DPP10: variants seen among roughly 807,000 people sequenced by gnomAD.
The protein encoded by DPP10 is inactive dipeptidyl peptidase 10.
A neutral mutation model predicts 120.9 loss-of-function variants in DPP10; 33 were observed. The observed-to-expected ratio is 0.27, with a 90% confidence interval of 0.21 to 0.37. The LOEUF is 0.37. Among genes scored for constraint, DPP10 ranks in the 10% least tolerant of loss-of-function variants. DPP10 has a pLI of 1.00. For synonymous variants in DPP10, 337 were observed against 326.1 expected (o/e 1.03, Z -0.36); for missense variants, 816 against 942.8 (o/e 0.87, Z 1.76).
chr2:115,386,534 T>C (rs2066945389), intron 3 of DPP10, among the ~76,000 whole-genome samples: 1 of 151,880 alleles, frequency 6.6e-6, no homozygotes, highest in South Asian at 2.1e-4. Flanking sequence ...CAGCATGTTG[T>C]GGGAAGGCAA....
intron 7 of DPP10, among the ~76,000 whole-genome samples, chr2:115,706,001 A>C (rs1415168155): frequency 6.6e-6 from 1 of 151,842 alleles, no homozygotes; most frequent in Non-Finnish European, 1.5e-5. Context: ...GGGGAAAAAA[A>C]CAGGAAACAA....
intron 8 of DPP10, among the ~76,000 whole-genome samples, chr2:115,728,293 A>T (rs868242194): frequency 0.017 from 2,577 of 149,408 alleles, 68 homozygotes; most frequent in African/African-American, 0.054. Flanking sequence ...ATTTCTAAAA[A>T]AAAAAAAAAA....
intron 1 of DPP10, among the ~76,000 whole-genome samples, chr2:115,051,994 A>G (rs1398152074): frequency 1.3e-5 from 2 of 152,232 alleles, no homozygotes; most frequent in Non-Finnish European, 2.9e-5. Context: ...AAATAAAATT[A>G]AATAAAGAAT....
At chr2:115,789,073 A>G (rs6727466) in intron 17 of DPP10, among the ~76,000 whole-genome samples, 147,069 of 152,036 alleles carry the variant, frequency 0.97, 71,345 homozygotes, top group East Asian at 1. Flanking sequence ...AGCCGAGATC[A>G]CACCACTGCA....
intron 1 of DPP10, among the ~76,000 whole-genome samples, chr2:114,887,006 T>C (rs1388138314): frequency 6.6e-6 from 1 of 152,226 alleles, no homozygotes; most frequent in Non-Finnish European, 1.5e-5. Context: ...ATATTTTGCT[T>C]TAATTGCCAT....
chr2:114,916,209 T>A (rs1694792732), intron 1 of DPP10, among the ~76,000 whole-genome samples: 1 of 152,074 alleles, frequency 6.6e-6, no homozygotes, highest in African/African-American at 2.4e-5. Context: ...GCTATTCACA[T>A]AAACTACAAA....
intron 1 of DPP10, among the ~76,000 whole-genome samples, chr2:114,504,391 A>G (rs1462448036): frequency 6.6e-6 from 1 of 152,046 alleles, no homozygotes; most frequent in African/African-American, 2.4e-5. Flanking sequence ...GGTCATCCTC[A>G]GTTTTGCTCC....
Position 115,027,574 on chromosome 2 carries a change from A to G in DPP10, c.61-281665A>G, listed in dbSNP as rs558974465. On this transcript the variant is annotated intron_variant, in intron 1 of 25. Transcript: ENST00000410059. ...GATTTTGCATTTATTTTCACCAGTA[A>G]TATTGACCTGTAGCTTTCTTTTTTT... Among the ~76,000 whole-genome samples, 66 of 152,242 alleles carry G rather than the reference A, an allele frequency of 4.3e-4. 1 individual carries two copies. Among genetic ancestry groups the G allele is most frequent in the African/African-American group, 1.5e-3 (63 of 41,554 alleles).
At chr2:114,742,183 A>G (rs1286653017) in intron 1 of DPP10, among the ~76,000 whole-genome samples, 1 of 152,242 alleles carries the variant, frequency 6.6e-6, no homozygotes, top group Non-Finnish European at 1.5e-5. Context: ...AAAGAAACAT[A>G]TAAAACTAGA....
chr2:115,394,898 G>A (rs989141422), intron 3 of DPP10, among the ~76,000 whole-genome samples: 1 of 152,082 alleles, frequency 6.6e-6, no homozygotes, highest in East Asian at 1.9e-4. Flanking sequence ...GATAATCAAC[G>A]CTATCAGGAG....
chr2:114,614,864 A>C (rs576839372), intron 1 of DPP10, among the ~76,000 whole-genome samples: 1 of 152,318 alleles, frequency 6.6e-6, no homozygotes, highest in East Asian at 1.9e-4. Context: ...TTGTGCATAA[A>C]TTATCAACAC....
At chr2:114,512,824 A>G (rs1308268770) in intron 1 of DPP10, among the ~76,000 whole-genome samples, 1 of 151,826 alleles carries the variant, frequency 6.6e-6, no homozygotes, top group Non-Finnish European at 1.5e-5. Context: ...GTCCTCATCA[A>G]GGATCAGGGA....
In DPP10 at chr2:115,095,921, T is replaced by A. The variant is rs911001713; in HGVS notation, c.61-213318T>A. Among the ~76,000 whole-genome samples, 3 of 152,152 alleles carry A rather than the reference T, an allele frequency of 2.0e-5. No homozygotes were observed. In the South Asian group the frequency reaches 6.2e-4, roughly 31 times the overall value. ...GAAAAACAAACAAACAAAAAGAAGA[T>A]GAGCAAGCCTCTTGATCTTTCTGAA... On this transcript the variant is annotated intron_variant, in intron 1 of 25. Transcript: ENST00000410059.
chr2:114,582,565 C>T (rs1364743453), intron 1 of DPP10, among the ~76,000 whole-genome samples: 1 of 152,184 alleles, frequency 6.6e-6, no homozygotes, highest in Non-Finnish European at 1.5e-5. Context: ...CACCAATGGA[C>T]AATAACTCCT....
chr2:114,464,002 A>G lies in DPP10; in HGVS notation c.60+21164A>G, dbSNP rs139303503. On this transcript the variant is annotated intron_variant, in intron 1 of 25. Transcript: ENST00000410059. ...TCATTCTACTTTATTGCTAAGTAATATTATCTGTGGATGTGTCCGTTTGTT... is the reference window on the plus strand; with the variant it reads ...TCATTCTACTTTATTGCTAAGTAATGTTATCTGTGGATGTGTCCGTTTGTT... Among the ~76,000 whole-genome samples the G allele has an allele frequency of 1.7e-3, 253 of 152,318 alleles. 3 individuals are homozygous for G. Among genetic ancestry groups the G allele is most frequent in the East Asian group, 5.8e-4 (3 of 5,184 alleles).
At chr2:114,847,808 T>C (rs2106474073) in intron 1 of DPP10, among the ~76,000 whole-genome samples, 1 of 152,232 alleles carries the variant, frequency 6.6e-6, no homozygotes, top group South Asian at 2.1e-4. Context: ...ATGCACAAAA[T>C]AAATAATAAG....
chr2:114,611,457 A>G (rs1439260659), intron 1 of DPP10, among the ~76,000 whole-genome samples: 1 of 152,186 alleles, frequency 6.6e-6, no homozygotes, highest in Non-Finnish European at 1.5e-5. Flanking sequence ...TTCAGACAAA[A>G]CTTCTATTAA....
intron 8 of DPP10, among the ~76,000 whole-genome samples, chr2:115,730,513 A>C (rs2092879568): frequency 6.6e-6 from 1 of 152,158 alleles, no homozygotes; most frequent in African/African-American, 2.4e-5. Flanking sequence ...AACGTCGATG[A>C]AGTTTTCAGT....
chr2:115,401,111 A>G (rs1041038783), intron 3 of DPP10, among the ~76,000 whole-genome samples: 1 of 152,184 alleles, frequency 6.6e-6, no homozygotes, highest in African/African-American at 2.4e-5. Context: ...ATCACTGGCT[A>G]TTAGGGAGGC....
Sources: allele counts gnomAD v4.1 joint callset (sites outside exome capture counted in the v4.1 genomes callset), GRCh38; gene constraint gnomAD v4.1.1; transcripts MANE v1.5; gene names NCBI Gene and HGNC (gene_info 2026-07-23, HGNC 2026-07-21).